MCTP1: variants seen among roughly 807,000 people sequenced by gnomAD.
MCTP1 encodes the protein multiple C2 and transmembrane domain containing 1, also known as multiple C2 and transmembrane domain-containing protein 1.
MCTP1 carries 69 observed loss-of-function variants against 120.6 expected under a neutral mutation model. The observed-to-expected ratio is 0.57, with a 90% CI of 0.47 to 0.70. The LOEUF is 0.70. Ranked by LOEUF, MCTP1 falls within the 30% of genes least tolerant of loss-of-function variation. The pLI, the probability that MCTP1 is intolerant of heterozygous loss-of-function variation, is 0.00. For synonymous variants in MCTP1, 529 were observed against 493.1 expected (o/e 1.07, Z -0.96); for missense variants, 1,203 against 1,248.8 (o/e 0.96, Z 0.55).
chr5:95,280,947 G>A (rs146465180), intron 1 of MCTP1, among the ~76,000 whole-genome samples: 2 of 152,300 alleles, frequency 1.3e-5, no homozygotes, highest in East Asian at 3.9e-4. Flanking sequence ...GGGGCCTCGT[G>A]CTGGGCTAGG....
At chr5:94,766,729 A>G (rs1193333640) in intron 19 of MCTP1, among the ~76,000 whole-genome samples, 1 of 152,160 alleles carries the variant, frequency 6.6e-6, no homozygotes, top group Non-Finnish European at 1.5e-5. Flanking sequence ...GCCTACCAAG[A>G]TTGAACCAGG....
At chr5:94,750,199 T>C (rs1767961818) in intron 19 of MCTP1, among the ~76,000 whole-genome samples, 1 of 152,068 alleles carries the variant, frequency 6.6e-6, no homozygotes, top group South Asian at 2.1e-4. Flanking sequence ...CAGAGGGAGC[T>C]ACCCGCCACA....
chr5:95,080,247 T>C (rs556968406), intron 1 of MCTP1, among the ~76,000 whole-genome samples: 1 of 152,298 alleles, frequency 6.6e-6, no homozygotes, highest in Non-Finnish European at 1.5e-5. Context: ...GCTGTGGCAA[T>C]GGCTAAGAAA....
rs955410320 is a variant in MCTP1, at chr5:94,719,751, T to C, written c.2611-4865A>G. Among the ~76,000 whole-genome samples, 16 of 152,178 alleles carry C rather than the reference T, an allele frequency of 1.1e-4. 1 individual carries two copies. The highest frequency in any genetic ancestry group is 3.4e-4 in the African/African-American group (14 of 41,454). On this transcript the variant is annotated intron_variant, in intron 19 of 22. Coordinates refer to ENST00000515393, the MANE Select transcript of MCTP1 (RefSeq NM_024717.7). Reference sequence around the variant, plus strand: ...GCTTAATACCTAGGTGATGGGTTGATAGGTGCAGCAAACCACCATGGCACA... The same window carrying C: ...GCTTAATACCTAGGTGATGGGTTGACAGGTGCAGCAAACCACCATGGCACA...
intron 2 of MCTP1, among the ~76,000 whole-genome samples, chr5:94,983,423 T>C (rs1829841554): frequency 1.3e-5 from 2 of 152,228 alleles, no homozygotes; most frequent in Non-Finnish European, 2.9e-5. Flanking sequence ...TGAAAGTCTT[T>C]TATTAGGTGT....
chr5:94,993,528 ATTTGTT>A (rs1207898953), intron 2 of MCTP1, among the ~76,000 whole-genome samples: 1 of 152,146 alleles, frequency 6.6e-6, no homozygotes, highest in Non-Finnish European at 1.5e-5. Flanking sequence ...CCAAGAGATG[ATTTGTT>A]TATATTAGAA....
In MCTP1 at chr5:95,284,054, C is replaced by A. The variant is rs758987983; in HGVS notation, c.522G>T (p.Pro174=). The A allele has an allele frequency of 2.0e-6, 3 of 1,534,376 alleles. No homozygotes were observed. Among genetic ancestry groups the A allele is most frequent in the African/African-American group, 2.8e-5 (2 of 71,050 alleles). ...CCTCATCTCGGGCGCGGTCCCCCCTCGGGGGAGGCTGGGGCGAGGAGGACA... is the reference window on the plus strand; with the variant it reads ...CCTCATCTCGGGCGCGGTCCCCCCTAGGGGGAGGCTGGGGCGAGGAGGACA... The part of the protein sequence containing the change: ...SSLSSSPQPP[P]RGDRARDEGA... The change falls in exon 1 of 23, where the codon CCG becomes CCT. Residue 174 remains proline, a synonymous_variant. Transcript: ENST00000515393. This position sits in a 1 kb window ranked among gnomAD's most constrained non-coding sequence, Gnocchi z 5.2.
chr5:95,085,351 T>C (rs1434156862), intron 1 of MCTP1, among the ~76,000 whole-genome samples: 1 of 152,002 alleles, frequency 6.6e-6, no homozygotes, highest in Non-Finnish European at 1.5e-5. Flanking sequence ...AACAAGATAT[T>C]AATTTGCATG....
intron 17 of MCTP1, 164 bp downstream of exon 17, chr5:94,868,169 C>A (rs1458046774): frequency 5.7e-6 from 3 of 526,424 alleles, no homozygotes; most frequent in Non-Finnish European, 9.0e-6. Context: ...AGACCTTGTA[C>A]AATCCATCAG....
At chr5:95,130,630 G>A (rs895031833) in intron 1 of MCTP1, among the ~76,000 whole-genome samples, 1 of 152,080 alleles carries the variant, frequency 6.6e-6, no homozygotes, top group Non-Finnish European at 1.5e-5. Flanking sequence ...GTGTTGGCAG[G>A]GTTGGTTTCT....
At chr5:94,857,971 A>G (rs558350051) in intron 17 of MCTP1, among the ~76,000 whole-genome samples, 2 of 151,882 alleles carry the variant, frequency 1.3e-5, no homozygotes, top group African/African-American at 4.8e-5. Flanking sequence ...CAATTTAGAA[A>G]GACAGCGATA....
At chr5:94,891,307 C>G (rs896291099) in intron 11 of MCTP1, among the ~76,000 whole-genome samples, 1 of 152,172 alleles carries the variant, frequency 6.6e-6, no homozygotes, top group South Asian at 2.1e-4. Context: ...AAGGGTTTCA[C>G]TGTGGGGGCG....
chr5:94,999,446 A>T (rs1833226820), intron 2 of MCTP1, among the ~76,000 whole-genome samples: 1 of 152,226 alleles, frequency 6.6e-6, no homozygotes, highest in African/African-American at 2.4e-5. Context: ...TATTAAAAAA[A>T]TAACGTTGGC....
At chr5:94,910,193 CAT>C (rs1278263445) in intron 9 of MCTP1, among the ~76,000 whole-genome samples, 4 of 150,536 alleles carry the variant, frequency 2.7e-5, no homozygotes, top group African/African-American at 9.8e-5. Context: ...TGTGTGCATA[CAT>C]ATATGTATAT....
intron 1 of MCTP1, among the ~76,000 whole-genome samples, chr5:95,047,473 C>T (rs1257989288): frequency 6.6e-6 from 1 of 152,082 alleles, no homozygotes; most frequent in South Asian, 2.1e-4. Flanking sequence ...CTGACCACTA[C>T]TGAATTATGT....
chr5:95,271,898 G>A (rs961216627), intron 1 of MCTP1, among the ~76,000 whole-genome samples: 10 of 152,032 alleles, frequency 6.6e-5, no homozygotes, highest in Non-Finnish European at 1.3e-4. Context: ...CACAAATGCC[G>A]TCTTCCAATT....
chr5:94,760,830 A>T (rs1446845665), intron 19 of MCTP1, among the ~76,000 whole-genome samples: 3 of 151,904 alleles, frequency 2.0e-5, no homozygotes, highest in Non-Finnish European at 4.4e-5. Flanking sequence ...GACGACAGGC[A>T]TGTGCCACCA....
chr5:95,213,278 A>G (rs80056809), intron 1 of MCTP1, among the ~76,000 whole-genome samples: 58,393 of 151,944 alleles, frequency 0.38, 11,307 homozygotes, highest in Middle Eastern at 0.41. Context: ...TTCAAAGAGA[A>G]TAAAATACCT....
intron 10 of MCTP1, 24 bp downstream of exon 10, chr5:94,909,227 C>G (rs777038801): frequency 1.9e-6 from 3 of 1,610,978 alleles, no homozygotes; most frequent in Admixed American, 1.7e-5. Flanking sequence ...TAGGAGTGAA[C>G]CAAAAATTAC....
Sources: gnomAD v4.1 joint callset for allele counts (sites outside exome capture counted in the v4.1 genomes callset) on GRCh38, gnomAD v4.1.1 for gene constraint, Gnocchi (gnomAD v3.1) non-coding constraint, MANE v1.5 for transcripts, NCBI Gene and HGNC (gene_info 2026-07-23, HGNC 2026-07-21) for gene names.